Variants in DCBLD1 observed in about 807,000 individuals in gnomAD.
DCBLD1 encodes discoidin, CUB and LCCL domain containing 1.
Under a neutral mutation model 71.5 loss-of-function variants are expected in DCBLD1, and 57 were observed. The observed-to-expected ratio is 0.80, with a 90% CI of 0.64 to 0.99. DCBLD1 has a LOEUF of 0.99. Among genes scored for constraint, DCBLD1 ranks in the 50% least tolerant of loss-of-function variants. DCBLD1 has a pLI of 0.00. For synonymous variants in DCBLD1, 380 were observed against 363.8 expected, an observed-to-expected ratio of 1.04 and a Z score of -0.51; for missense variants, 891 against 923.5, an observed-to-expected ratio of 0.96 and a Z score of 0.46.
At position 117,482,816 on chromosome 6, in the gene DCBLD1, C is replaced by T. The variant is rs1183369478; in HGVS notation, c.35C>T (p.Ala12Val). 18 of 1,162,206 alleles carry T rather than the reference C, an allele frequency of 1.5e-5. No individual in the cohort carries two copies. Among genetic ancestry groups the T allele is most frequent in the Non-Finnish European group, 1.8e-5 (17 of 944,464 alleles). 72.0% of individuals were successfully genotyped at this position (1,162,206 alleles called of 1,614,324 possible). ...GGCGCCCGCGGCGGCGGCGCACTGGCGCGGGCTGCCGGGCGGGGCCTCCTG... is the reference window on the plus strand; with the variant it reads ...GGCGCCCGCGGCGGCGGCGCACTGGTGCGGGCTGCCGGGCGGGGCCTCCTG... Reference protein sequence around the residue: ...VPGARGGGALARAAGRGLLAL... With the variant: ...VPGARGGGALVRAAGRGLLAL... Residue 12 changes from alanine (A) to valine (V), a missense_variant, in exon 1 of 15, where the codon GCG (alanine) becomes GTG (valine). By Grantham distance (64) the Ala-to-Val change is moderately conservative. Transcript: ENST00000338728.
At chr6:117,556,240 TA>T (rs1315142322) in intron 14 of DCBLD1, among the ~76,000 whole-genome samples, 1 of 152,194 alleles carries the variant, frequency 6.6e-6, no homozygotes, top group Non-Finnish European at 1.5e-5. Flanking sequence ...TTTATAGGTT[TA>T]GGGGGTAGAA....
In DCBLD1 at chr6:117,503,943, G is replaced by T; in HGVS notation, c.289G>T (p.Asp97Tyr). ...TATCGAATCCCAGACCTGTGCTTCT[G>T]ACTATCTTCTCTTCACCAGCTCTTC... is the stretch of plus-strand genomic sequence containing the variant. Reference protein sequence around the residue: ...LDIESQTCASDYLLFTSSSDQ... With the variant: ...LDIESQTCASYYLLFTSSSDQ... The change falls in exon 2 of 15, where the codon GAC becomes TAC. Residue 97 changes from aspartate to tyrosine, a missense_variant. Transcript: ENST00000338728. 1 of 1,614,144 alleles carries T rather than the reference G, an allele frequency of 6.2e-7. No homozygotes were observed. Among genetic ancestry groups the T allele is most frequent in the South Asian group, 1.1e-5 (1 of 91,080 alleles).
In DCBLD1 at chr6:117,540,906, C is replaced by T. The variant is rs761873316; in HGVS notation, c.1250-12C>T. ...TACTCATGTGGTTTTCCCGACATCC[C>T]TCCTCTCTCAGGTAATGATTCATTG... On this transcript the variant is annotated splice_polypyrimidine_tract_variant and intron_variant, in intron 10 of 14. Coordinates refer to ENST00000338728, the MANE Select transcript of DCBLD1 (RefSeq NM_001366458.2). 291 of 1,614,160 alleles carry T rather than the reference C, an allele frequency of 1.8e-4. 2 individuals are homozygous for T. In the South Asian group the frequency reaches 2.1e-3, roughly 11 times the overall value.
intron 1 of DCBLD1, among the ~76,000 whole-genome samples, chr6:117,485,658 C>T (rs1438555373): frequency 6.6e-6 from 1 of 152,172 alleles, no homozygotes; most frequent in African/African-American, 2.4e-5. Context: ...GACAAAGGTG[C>T]TCAGTGTTCC....
Position 117,548,785 on chromosome 6 carries a change from A to C in DCBLD1, c.*346A>C, listed in dbSNP as rs1779365560. 8.9e-7 allele frequency: 1 copy of C among 1,122,878 alleles called. No individual in the cohort carries two copies. The highest frequency in any genetic ancestry group is 1.7e-5 in the African/African-American group (1 of 60,496). 69.6% of individuals were successfully genotyped at this position (1,122,878 alleles called of 1,614,324 possible). ...ATTTAACAATAATAAAAGTAACTTA[A>C]GTTTGCTCTATCAGATTTTAGTTCT... On this transcript the variant is annotated 3_prime_UTR_variant, in exon 15 of 15. Coordinates refer to ENST00000338728, the MANE Select transcript of DCBLD1 (RefSeq NM_001366458.2).
chr6:117,487,035 A>C (rs1777111856), intron 1 of DCBLD1, among the ~76,000 whole-genome samples: 1 of 152,048 alleles, frequency 6.6e-6, no homozygotes, highest in African/African-American at 2.4e-5. Flanking sequence ...TCATCTAGAA[A>C]CCATCCCCCT....
chr6:117,551,681 C>T (rs1779430979), downstream of DCBLD1, among the ~76,000 whole-genome samples: 1 of 152,144 alleles, frequency 6.6e-6, no homozygotes, highest in Non-Finnish European at 1.5e-5. Flanking sequence ...GCCCGGCTTC[C>T]CTTTATTTCT....
intron 10 of DCBLD1, 35 bp from the exon 11 acceptor site, chr6:117,540,883 C>T (rs746283845): frequency 5.6e-6 from 9 of 1,614,076 alleles, no homozygotes; most frequent in Non-Finnish European, 6.8e-6. Flanking sequence ...ATCATTGTTA[C>T]TCATGTGGTT....
intron 14 of DCBLD1, among the ~76,000 whole-genome samples, chr6:117,546,003 G>A (rs9387488): frequency 0.13 from 20,268 of 152,120 alleles, 1,853 homozygotes; most frequent in East Asian, 0.3. Context: ...GGGCCTCAGT[G>A]TCCCTGACAA....
intron 1 of DCBLD1, among the ~76,000 whole-genome samples, chr6:117,497,864 C>T (rs1482554575): frequency 6.6e-6 from 1 of 151,996 alleles, no homozygotes; most frequent in Non-Finnish European, 1.5e-5. Context: ...TATATGTATT[C>T]ATATTATAGA....
At chr6:117,542,712 T>C (rs1413381538) in intron 11 of DCBLD1, among the ~76,000 whole-genome samples, 1 of 151,788 alleles carries the variant, frequency 6.6e-6, no homozygotes, top group Non-Finnish European at 1.5e-5. Flanking sequence ...GCCTGCCATC[T>C]GGGGAAATGT....
chr6:117,491,284 A>G (rs1028981204), intron 1 of DCBLD1, among the ~76,000 whole-genome samples: 12 of 152,140 alleles, frequency 7.9e-5, no homozygotes, highest in Non-Finnish European at 1.3e-4. Flanking sequence ...TTTAGAATGG[A>G]GGCTGCTTAT....
At chr6:117,488,465 G>A (rs1041121913) in intron 1 of DCBLD1, among the ~76,000 whole-genome samples, 2 of 151,946 alleles carry the variant, frequency 1.3e-5, no homozygotes, top group African/African-American at 2.4e-5. Flanking sequence ...GCAACATGGC[G>A]AAACCCCCGA....
chr6:117,541,524 G>T (rs904517430), intron 11 of DCBLD1, among the ~76,000 whole-genome samples: 1 of 141,670 alleles, frequency 7.1e-6, no homozygotes, highest in Admixed American at 7.1e-5. Flanking sequence ...AGGAACAGAG[G>T]TAGGAGGGAC....
intron 1 of DCBLD1, among the ~76,000 whole-genome samples, chr6:117,494,543 A>G (rs1777407569): frequency 6.6e-6 from 1 of 152,106 alleles, no homozygotes; most frequent in South Asian, 2.1e-4. Flanking sequence ...CATCTATTCA[A>G]CAGAGATAAA....
chr6:117,567,057 G>A (rs1779712580), intron 14 of DCBLD1: 1 of 1,524,224 alleles, frequency 6.6e-7, no homozygotes. Flanking sequence ...ATGAAAATGA[G>A]AAAGTCAAGT....
intron 1 of DCBLD1, among the ~76,000 whole-genome samples, chr6:117,485,993 G>A (rs1216620524): frequency 6.6e-6 from 1 of 152,156 alleles, no homozygotes; most frequent in Non-Finnish European, 1.5e-5. Flanking sequence ...AGAAGAAAGA[G>A]GTTATGTTAA....
intron 6 of DCBLD1, among the ~76,000 whole-genome samples, chr6:117,535,487 A>T (rs1778853336): frequency 1.3e-5 from 2 of 152,116 alleles, no homozygotes; most frequent in Non-Finnish European, 2.9e-5. Context: ...AGGCTTATTA[A>T]CCTATAGAAT....
intron 4 of DCBLD1, among the ~76,000 whole-genome samples, chr6:117,522,432 ATGAC>A (rs1220112561): frequency 6.6e-6 from 1 of 151,558 alleles, no homozygotes; most frequent in East Asian, 1.9e-4. Context: ...AACAAAAACT[ATGAC>A]TGTTTTTTTT....
Sources: gnomAD v4.1 joint callset for allele counts (sites outside exome capture counted in the v4.1 genomes callset) on GRCh38, gnomAD v4.1.1 for gene constraint, MANE v1.5 for transcripts, NCBI Gene and HGNC (gene_info 2026-07-23, HGNC 2026-07-21) for gene names.